Variants in CLEC5A observed in about 807,000 individuals in gnomAD.
The protein encoded by CLEC5A is C-type lectin domain containing 5A.
CLEC5A carries 15 observed loss-of-function variants against 24.4 expected under a neutral mutation model. The ratio of observed to expected loss-of-function variants is 0.62; its 90% CI spans 0.41 to 0.95. The LOEUF (loss-of-function observed/expected upper bound fraction) is 0.95. Ranked by LOEUF, CLEC5A falls within the 40% of genes least tolerant of loss-of-function variation. CLEC5A has a pLI of 0.00. For synonymous variants in CLEC5A, 71 were observed against 72.6 expected (o/e 0.98, Z 0.11); for missense variants, 211 against 224.0 (o/e 0.94, Z 0.37).
In CLEC5A at chr7:141,945,365, T is replaced by C; in HGVS notation, c.115A>G (p.Thr39Ala). The C allele has an allele frequency of 6.2e-7, 1 of 1,613,148 alleles. No homozygotes were observed. Among genetic ancestry groups the C allele is most frequent in the Non-Finnish European group, 8.5e-7 (1 of 1,179,226 alleles). ...QIFNKSNDGF[T>A]TTRSYGTVSQ... is the part of the protein sequence containing the mutation. Reference sequence around the variant, plus strand: ...CCTGTTCCATAGCTCCTGGTGGTGGTGAAACCATCGTTACTTTTGTTAAAA... The same window carrying C: ...CCTGTTCCATAGCTCCTGGTGGTGGCGAAACCATCGTTACTTTTGTTAAAA... The change falls in exon 3 of 7, where the codon ACC (threonine) becomes GCC (alanine). Residue 39 changes from threonine (T) to alanine (A), a missense_variant. Coordinates refer to ENST00000546910, the MANE Select transcript of CLEC5A (RefSeq NM_013252.3).
intron 4 of CLEC5A, among the ~76,000 whole-genome samples, chr7:141,939,927 G>A (rs1450039301): frequency 2.0e-5 from 3 of 152,080 alleles, no homozygotes; most frequent in African/African-American, 7.2e-5. Context: ...GGCACACCCA[G>A]ATATGTAAGG....
rs1802480259 is a variant in CLEC5A, at chr7:141,931,922, A to C, written c.346-96T>G. On this transcript the variant is annotated intron_variant, in intron 5 of 6. Coordinates refer to ENST00000546910, the MANE Select transcript of CLEC5A (RefSeq NM_013252.3). ...TTATATCTGATCCTGGGAATAAGGA[A>C]GGCCGGTAGAGAACTCTGGGACCAG... 3 of 609,894 alleles carry C rather than the reference A, an allele frequency of 4.9e-6. No individual in the cohort carries two copies. The East Asian group carries it at 8.4e-5, about 17-fold the overall frequency. The allele number at this position is 609,894 out of a possible 1,614,324, so 37.8% of individuals were successfully genotyped here.
At chr7:141,940,014 C>T (rs1802739443) in intron 4 of CLEC5A, among the ~76,000 whole-genome samples, 2 of 152,164 alleles carry the variant, frequency 1.3e-5, no homozygotes, top group Non-Finnish European at 2.9e-5. Flanking sequence ...CTGCTTTCAG[C>T]ATTGGACCGA....
chr7:141,945,149 A>G (rs1554441996), intron 3 of CLEC5A, among the ~76,000 whole-genome samples, 192 bp downstream of exon 3: 2 of 152,200 alleles, frequency 1.3e-5, no homozygotes, highest in Non-Finnish European at 2.9e-5. Flanking sequence ...GAGAAAAACT[A>G]AGGATCAGAA....
chr7:141,935,721 A>G, intron 5 of CLEC5A, 93 bp downstream of exon 5: 1 of 1,097,054 alleles, frequency 9.1e-7, no homozygotes, highest in Non-Finnish European at 1.3e-6. Flanking sequence ...TCCTCACTCC[A>G]TCCCATCCCC....
At chr7:141,943,820 C>A (rs1384655005) in intron 4 of CLEC5A, 76 bp downstream of exon 4, 2 of 1,023,920 alleles carry the variant, frequency 2.0e-6, no homozygotes, top group Middle Eastern at 2.1e-4. Context: ...AGAATAAAGA[C>A]AATGGGAGAA....
rs782300802 is a variant in CLEC5A, at chr7:141,936,522, G to A, written c.209-572C>T. ...GAAGCATTTAGATGAGCGCTAGCCGGAGGGGAATAACCCATCCCAGTGGTT... is the reference window on the plus strand; with the variant it reads ...GAAGCATTTAGATGAGCGCTAGCCGAAGGGGAATAACCCATCCCAGTGGTT... On this transcript the variant is annotated intron_variant, in intron 4 of 6. Coordinates refer to ENST00000546910, the MANE Select transcript of CLEC5A (RefSeq NM_013252.3). Among the ~76,000 whole-genome samples the A allele has an allele frequency of 2.2e-4, 33 of 152,302 alleles. 1 individual carries two copies. Among genetic ancestry groups the A allele is most frequent in the African/African-American group, 7.5e-4 (31 of 41,566 alleles).
intron 4 of CLEC5A, among the ~76,000 whole-genome samples, chr7:141,937,051 C>G (rs1211445374): frequency 1.3e-5 from 2 of 151,916 alleles, no homozygotes; most frequent in Admixed American, 1.3e-4. Context: ...GAATAACAAG[C>G]AGCAATACCT....
chr7:141,933,553 C>A (rs1177469877), intron 5 of CLEC5A, among the ~76,000 whole-genome samples: 2 of 140,876 alleles, frequency 1.4e-5, no homozygotes, highest in Non-Finnish European at 3.0e-5. Context: ...GCCAAAGTGA[C>A]TCAGCGAGTT....
chr7:141,934,555 C>A (rs940604783), intron 5 of CLEC5A, among the ~76,000 whole-genome samples: 1 of 146,538 alleles, frequency 6.8e-6, no homozygotes. Flanking sequence ...GCTGGAGATA[C>A]AGACTTGCGA....
intron 6 of CLEC5A, 98 bp downstream of exon 6, chr7:141,931,622 G>A: frequency 1.3e-6 from 1 of 745,448 alleles, no homozygotes; most frequent in Non-Finnish European, 2.5e-6. Context: ...AGAGTCAAGT[G>A]TCAGCGTTTG....
chr7:141,946,241 C>T lies in CLEC5A; in HGVS notation c.52G>A (p.Val18Ile). 1 of 1,570,688 alleles carries T rather than the reference C, an allele frequency of 6.4e-7. No homozygotes were observed. The highest frequency in any genetic ancestry group is 8.6e-7 in the Non-Finnish European group (1 of 1,156,520). ...SGLIVVVLKV[V>I]GMTLFLLYFP... Reference sequence around the variant, plus strand: ...TAAAGTAGAAATAAGGTCATTCCAACAACTTTAAGCACTACCACAATAAGC... The same window carrying T: ...TAAAGTAGAAATAAGGTCATTCCAATAACTTTAAGCACTACCACAATAAGC... The change falls in exon 2 of 7, where the codon GTT becomes ATT. Residue 18 changes from valine (V) to isoleucine (I), a missense_variant. Coordinates refer to ENST00000546910, the MANE Select transcript of CLEC5A (RefSeq NM_013252.3).
chr7:141,944,913 A>T (rs1554441969), intron 3 of CLEC5A, among the ~76,000 whole-genome samples: 1 of 152,096 alleles, frequency 6.6e-6, no homozygotes, highest in Non-Finnish European at 1.5e-5. Context: ...GCCTCTGTTG[A>T]TACTAAGATA....
At chr7:141,945,600 A>G (rs1462892478) in intron 2 of CLEC5A, among the ~76,000 whole-genome samples, 200 bp from the exon 3 acceptor site, 1 of 150,850 alleles carries the variant, frequency 6.6e-6, no homozygotes, top group East Asian at 1.9e-4. Context: ...GTCTGACATG[A>G]TAGGAATTGC....
At chr7:141,931,458 G>T in intron 6 of CLEC5A, 1 of 512,182 alleles carries the variant, frequency 2.0e-6, no homozygotes, top group South Asian at 3.2e-5. Flanking sequence ...ATGCTATGTA[G>T]GTGGATTTGT....
rs782465228 is a variant in CLEC5A, at chr7:141,935,978, G to A, written c.209-28C>T. Reference sequence around the variant, plus strand: ...GAAGAGGTCCAAGAAAGGAGAGTACGAGTTTACTGGTTTGGGTTATGAATC... The same window carrying A: ...GAAGAGGTCCAAGAAAGGAGAGTACAAGTTTACTGGTTTGGGTTATGAATC... On this transcript the variant is annotated intron_variant, in intron 4 of 6. Transcript: ENST00000546910. 37 of 1,602,658 alleles carry A rather than the reference G, an allele frequency of 2.3e-5. 1 individual carries two copies. The highest frequency in any genetic ancestry group is 8.8e-5 in the South Asian group (8 of 90,808).
chr7:141,929,846 T>C lies in CLEC5A; in HGVS notation c.*258A>G. ...AACCCTGTCAACAGACTAGGCCTTT[T>C]TGATCAGTCAGAAATGCTCAGTACT... On this transcript the variant is annotated 3_prime_UTR_variant, in exon 7 of 7. Transcript: ENST00000546910. The C allele has an allele frequency of 2.6e-6, 1 of 386,410 alleles. No individual in the cohort carries two copies. 23.9% of individuals were successfully genotyped at this position (386,410 alleles called of 1,614,324 possible). A position where few individuals can be genotyped will look rare whatever the true frequency, so the allele number is the denominator to read the frequency against.
In CLEC5A at chr7:141,929,953, TCC is replaced by T; in HGVS notation, c.*149_*150del. On this transcript the variant is annotated 3_prime_UTR_variant, in exon 7 of 7. Transcript: ENST00000546910. ...TCTCCTGGAGATGGCTAGCATCCAGTCCCCCAGTGCAGAAGAAAGAAGCTCAG... is the reference window on the plus strand; with the variant it reads ...TCTCCTGGAGATGGCTAGCATCCAGTCCCAGTGCAGAAGAAAGAAGCTCAG... 1 of 599,200 alleles carries T rather than the reference TCC, an allele frequency of 1.7e-6. No individual in the cohort carries two copies. Among genetic ancestry groups the T allele is most frequent in the East Asian group, 2.9e-5 (1 of 34,422 alleles). The allele number at this position is 599,200 out of a possible 1,614,324, so 37.1% of individuals were successfully genotyped here.
Position 141,943,997 on chromosome 7 carries a change from A to G in CLEC5A, c.140-33T>C, listed in dbSNP as rs74721683. 590 of 1,282,328 alleles carry G rather than the reference A, an allele frequency of 4.6e-4. 2 individuals carry two copies. The African/African-American group carries it at 7.8e-3, about 17-fold the overall frequency. The allele number at this position is 1,282,328 out of a possible 1,614,324, so 79.4% of individuals were successfully genotyped here. A position where few individuals can be genotyped will look rare whatever the true frequency, so the allele number is the denominator to read the frequency against. On this transcript the variant is annotated intron_variant, in intron 3 of 6. Transcript: ENST00000546910. ...GAAAAGTAAACCTAAAGGTTATGGT[A>G]TGATGAATACAACACAGAAACAGAA...
Sources: gnomAD v4.1 joint callset for allele counts (sites outside exome capture counted in the v4.1 genomes callset) on GRCh38, gnomAD v4.1.1 for gene constraint, MANE v1.5 for transcripts, NCBI Gene and HGNC (gene_info 2026-07-23, HGNC 2026-07-21) for gene names.